Variants in FAM83D observed in about 807,000 individuals in gnomAD.
FAM83D encodes the protein protein FAM83D.
A neutral mutation model predicts 25.4 loss-of-function variants in FAM83D; 26 were observed. The ratio of observed to expected loss-of-function variants is 1.02; its 90% CI spans 0.75 to 1.42. The LOEUF is 1.42. FAM83D is among the 40% of genes most tolerant of loss of function. The pLI, the probability that FAM83D is intolerant of heterozygous loss-of-function variation, is 0.00. For missense variants in FAM83D, 740 were observed against 758.1 expected, an observed-to-expected ratio of 0.98 and a Z score of 0.28; for synonymous variants, 310 against 318.5, an observed-to-expected ratio of 0.97 and a Z score of 0.28.
In FAM83D at chr20:38,926,647, C is replaced by G. The variant is rs765932046; in HGVS notation, c.205C>G (p.Leu69Val). Residue 69 changes from leucine to valine, a missense_variant, in exon 1 of 4, where the codon CTG (leucine) becomes GTG (valine). Physicochemically the swap from Leu to Val is conservative, Grantham distance 32. This residue lies in a region of FAM83D where 333 missense variants were observed against 298.6 expected (regional missense o/e 1.12). Coordinates refer to ENST00000619850, the MANE Select transcript of FAM83D (RefSeq NM_030919.3). ...GAACCCCGATGAGGTGCACGCCATT[C>G]TGCGCGCGGCGGAGAGGCCGGGAGA... The part of the protein sequence containing the change: ...FLNPDEVHAI[L>V]RAAERPGEEG... 3 of 1,536,788 alleles carry G rather than the reference C, an allele frequency of 2.0e-6. No homozygotes were observed. Among genetic ancestry groups the G allele is most frequent in the South Asian group, 1.2e-5 (1 of 84,442 alleles).
In FAM83D at chr20:38,929,921, G is replaced by A. The variant is rs181275169; in HGVS notation, c.483+2996G>A. On this transcript the variant is annotated intron_variant, in intron 1 of 3. Transcript: ENST00000619850. Reference sequence around the variant, plus strand: ...AGGCATAGAGAAGTTAAGTGGCCCCGAAGTCATGCAGCTAGAGAATGAAGG... The same window carrying A: ...AGGCATAGAGAAGTTAAGTGGCCCCAAAGTCATGCAGCTAGAGAATGAAGG... Among the ~76,000 whole-genome samples the A allele has an allele frequency of 3.9e-5, 6 of 152,220 alleles. No homozygotes were observed. The East Asian group carries it at 7.7e-4, about 20-fold the overall frequency.
At chr20:38,943,160 G>T (rs747289156) in intron 2 of FAM83D, among the ~76,000 whole-genome samples, 1 of 152,024 alleles carries the variant, frequency 6.6e-6, no homozygotes, top group Non-Finnish European at 1.5e-5. Flanking sequence ...AGTTAGCTGG[G>T]ATTACAGGTG....
intron 3 of FAM83D, among the ~76,000 whole-genome samples, chr20:38,950,502 G>T (rs2085748315): frequency 6.6e-6 from 1 of 152,202 alleles, no homozygotes; most frequent in Admixed American, 6.5e-5. Flanking sequence ...GGTGTTTTGT[G>T]AAAATGGCAG....
chr20:38,930,275 T>C (rs1328113575), intron 1 of FAM83D, among the ~76,000 whole-genome samples: 6 of 152,216 alleles, frequency 3.9e-5, no homozygotes, highest in African/African-American at 1.2e-4. Context: ...GCACTTTGAA[T>C]GGGTCAGTTT....
intron 1 of FAM83D, among the ~76,000 whole-genome samples, chr20:38,935,166 T>G (rs969810645): frequency 2.0e-5 from 3 of 152,220 alleles, no homozygotes; most frequent in Admixed American, 6.5e-5. Context: ...TGAAAGTACC[T>G]TGTTTTGTAA....
At chr20:38,947,816 G>T (rs955164563) in intron 2 of FAM83D, 60 bp from the exon 3 acceptor site, 16 of 1,580,052 alleles carry the variant, frequency 1.0e-5, no homozygotes, top group Non-Finnish European at 1.4e-5. Context: ...CTAACCATTT[G>T]CTCAGCAGAT....
intron 2 of FAM83D, among the ~76,000 whole-genome samples, chr20:38,947,181 G>A (rs990353135): frequency 7.2e-5 from 11 of 152,212 alleles, no homozygotes; most frequent in Non-Finnish European, 1.3e-4. Context: ...ATACATTTAT[G>A]TGTGTCATTT....
intron 1 of FAM83D, among the ~76,000 whole-genome samples, chr20:38,938,861 T>A (rs2085689651): frequency 6.6e-6 from 1 of 152,250 alleles, no homozygotes; most frequent in South Asian, 2.1e-4. Flanking sequence ...TCCACGTGAC[T>A]GCTGTGTTGC....
At chr20:38,949,612 C>T (rs370679129) in intron 3 of FAM83D, among the ~76,000 whole-genome samples, 1 of 152,228 alleles carries the variant, frequency 6.6e-6, no homozygotes, top group South Asian at 2.1e-4. Flanking sequence ...GTACAAATAC[C>T]ACCATTAGTG....
chr20:38,947,020 A>G (rs2085731239), intron 2 of FAM83D, among the ~76,000 whole-genome samples: 1 of 152,176 alleles, frequency 6.6e-6, no homozygotes, highest in African/African-American at 2.4e-5. Flanking sequence ...ACGGCTTGGC[A>G]CATAGTAGGG....
intron 1 of FAM83D, 88 bp downstream of exon 1, chr20:38,927,013 C>G (rs1316889525): frequency 3.6e-6 from 5 of 1,396,350 alleles, no homozygotes; most frequent in Non-Finnish European, 4.6e-6. Flanking sequence ...GGGCCGGGGC[C>G]ACTACCTCCT....
At chr20:38,929,179 GAAAA>G (rs60923362) in intron 1 of FAM83D, among the ~76,000 whole-genome samples, 1 of 126,956 alleles carries the variant, frequency 7.9e-6, no homozygotes, top group Non-Finnish European at 1.7e-5. Context: ...CTCCCTCTCG[GAAAA>G]AAAAAAAAAA....
intron 2 of FAM83D, among the ~76,000 whole-genome samples, chr20:38,942,336 GC>G (rs1226720626): frequency 2.6e-5 from 4 of 152,230 alleles, no homozygotes; most frequent in Admixed American, 6.5e-5. Context: ...GAAAATATGG[GC>G]CCCCACAAAA....
chr20:38,926,477 C>G lies in FAM83D; in HGVS notation c.35C>G (p.Pro12Arg). The change falls in exon 1 of 4, where the codon CCC becomes CGC. Residue 12 changes from proline (P) to arginine (R), a missense_variant. By Grantham distance (103) the Pro-to-Arg change is moderately radical. Around this residue, in one of 3 missense-constraint regions of FAM83D, gnomAD observed 333 missense variants for 298.6 expected, o/e 1.12. Transcript: ENST00000619850. Reference sequence around the variant, plus strand: ...CTGTCCGAGGGCCTGGACGAGGTGCCCGCCGCCTGCCTGTCGCCGTGCGGG... The same window carrying G: ...CTGTCCGAGGGCCTGGACGAGGTGCGCGCCGCCTGCCTGTCGCCGTGCGGG... ...ALLSEGLDEVPAACLSPCGPP... is the reference protein window; with the variant it reads ...ALLSEGLDEVRAACLSPCGPP... 6.3e-7 allele frequency: 1 copy of G among 1,596,346 alleles called. No individual in the cohort carries two copies. Among genetic ancestry groups the G allele is most frequent in the African/African-American group, 1.3e-5 (1 of 74,748 alleles).
At chr20:38,935,293 A>G (rs1354287757) in intron 1 of FAM83D, among the ~76,000 whole-genome samples, 2 of 152,170 alleles carry the variant, frequency 1.3e-5, no homozygotes, top group Non-Finnish European at 2.9e-5. Flanking sequence ...TCCCCTTTGA[A>G]AAGCCCACCT....
chr20:38,926,463 C>T lies in FAM83D; in HGVS notation c.21C>T (p.Gly7=). The change falls in exon 1 of 4, where the codon GGC becomes GGT. Residue 7 remains glycine, a synonymous_variant. Coordinates refer to ENST00000619850, the MANE Select transcript of FAM83D (RefSeq NM_030919.3). Reference sequence around the variant, plus strand: ...CCGCCATGGCTCTGCTGTCCGAGGGCCTGGACGAGGTGCCCGCCGCCTGCC... The same window carrying T: ...CCGCCATGGCTCTGCTGTCCGAGGGTCTGGACGAGGTGCCCGCCGCCTGCC... MALLSE[G]LDEVPAACLS... is the part of the protein sequence containing the mutation. 2 of 1,598,272 alleles carry T rather than the reference C, an allele frequency of 1.3e-6. No homozygotes were observed. Among genetic ancestry groups the T allele is most frequent in the Non-Finnish European group, 8.5e-7 (1 of 1,178,766 alleles).
intron 1 of FAM83D, among the ~76,000 whole-genome samples, chr20:38,937,657 T>C (rs1200811167): frequency 6.6e-6 from 1 of 152,166 alleles, no homozygotes; most frequent in Non-Finnish European, 1.5e-5. Context: ...GACTATGGAC[T>C]TTTCCTCTGT....
intron 2 of FAM83D, among the ~76,000 whole-genome samples, chr20:38,944,272 T>C (rs1278589598): frequency 6.6e-6 from 1 of 152,254 alleles, no homozygotes; most frequent in African/African-American, 2.4e-5. Flanking sequence ...AGAGTTCTTG[T>C]TGGTTGCCTC....
Position 38,951,926 on chromosome 20 carries a change from C to T in FAM83D, c.1164C>T (p.Asp388=), listed in dbSNP as rs774123421. The T allele has an allele frequency of 1.5e-5, 24 of 1,614,034 alleles. No individual in the cohort carries two copies. The highest frequency in any genetic ancestry group is 6.7e-5 in the African/African-American group (5 of 74,924). ...AGCTCCAGAGCAGAAAGGCCATTGA[C>T]GCTGCCACTCAAACAGAGCCAGGAG... ...RDELQSRKAI[D]AATQTEPGEE... The change falls in exon 4 of 4, where the codon GAC becomes GAT. Residue 388 remains aspartate, a synonymous_variant. Transcript: ENST00000619850.
Sources: gnomAD v4.1 joint callset for allele counts (sites outside exome capture counted in the v4.1 genomes callset) on GRCh38, gnomAD v4.1.1 for gene constraint, gnomAD v4.1.1 regional missense constraint, MANE v1.5 for transcripts, NCBI Gene and HGNC (gene_info 2026-07-23, HGNC 2026-07-21) for gene names.